HIVEP2: variants seen among roughly 807,000 people sequenced by gnomAD.
The protein encoded by HIVEP2 is transcription factor HIVEP2.
HIVEP2 carries 14 observed loss-of-function variants against 180.7 expected under a neutral mutation model. That is an observed-to-expected ratio of 0.08 (90% CI 0.05 to 0.12). HIVEP2 has a LOEUF of 0.12. Among genes scored for constraint, HIVEP2 ranks in the 10% least tolerant of loss-of-function variants. The pLI is 1.00. For missense variants in HIVEP2, 2,579 were observed against 3,008.5 expected (o/e 0.86, Z 3.34); for synonymous variants, 1,184 against 1,136.4 (o/e 1.04, Z -0.84).
At chr6:142,945,218 C>G (rs1378118225), upstream of HIVEP2, 1 of 152,026 alleles carries the variant, frequency 6.6e-6, no homozygotes. The surrounding 1 kb of genome is among the most constrained non-coding windows in gnomAD (Gnocchi z 5.5). Flanking sequence ...GCGCGGCCCC[C>G]TCCCCCCAGG....
intron 1 of HIVEP2, among the ~76,000 whole-genome samples, chr6:142,884,454 T>C (rs1776648716): frequency 6.6e-6 from 1 of 152,086 alleles, no homozygotes; most frequent in African/African-American, 2.4e-5. Flanking sequence ...TTTTGCCTAA[T>C]TGTCATTTAA....
chr6:142,874,872 G>C (rs758496104), intron 1 of HIVEP2, among the ~76,000 whole-genome samples: 1 of 152,066 alleles, frequency 6.6e-6, no homozygotes, highest in Non-Finnish European at 1.5e-5. Flanking sequence ...GACACCTTTG[G>C]TTTACAGATA....
chr6:142,860,408 G>A (rs1377703348), intron 1 of HIVEP2, among the ~76,000 whole-genome samples: 2 of 152,160 alleles, frequency 1.3e-5, no homozygotes, highest in African/African-American at 4.8e-5. Context: ...TGGACTGGCG[G>A]CAGGCAGGGG....
At chr6:142,827,402 C>A (rs1333098425) in intron 2 of HIVEP2, among the ~76,000 whole-genome samples, 1 of 152,200 alleles carries the variant, frequency 6.6e-6, no homozygotes, top group Non-Finnish European at 1.5e-5. Context: ...GCACCCCTGC[C>A]CTGTGTTTCC....
chr6:142,857,412 G>A (rs1263419242), intron 1 of HIVEP2, among the ~76,000 whole-genome samples: 2 of 152,138 alleles, frequency 1.3e-5, no homozygotes, highest in Admixed American at 1.3e-4. Flanking sequence ...GGGGTTTCAG[G>A]ACTTGTGCAA....
At position 142,764,947 on chromosome 6, in the gene HIVEP2, A is replaced by G. The variant is rs1487889403; in HGVS notation, c.5370T>C (p.Tyr1790=). ...ACTTTCCCCGGCCACGTCCTCTGAC[A>G]TATACATAATCTTCATTCGATTTGT... ...GGYKSNEDYV[Y]VRGRGRGKYI... The change falls in exon 7 of 10, where the codon TAT becomes TAC. Residue 1790 remains tyrosine (Y), a synonymous_variant. Coordinates refer to ENST00000367603, the MANE Select transcript of HIVEP2 (RefSeq NM_006734.4). 9 of 1,612,584 alleles carry G rather than the reference A, an allele frequency of 5.6e-6. No individual in the cohort carries two copies. In the Admixed American group the frequency reaches 6.7e-5, roughly 12 times the overall value.
chr6:142,777,824 A>AT (rs1775744427), intron 3 of HIVEP2, among the ~76,000 whole-genome samples: 1 of 152,150 alleles, frequency 6.6e-6, no homozygotes, highest in Non-Finnish European at 1.5e-5. Context: ...CTAGTTAATA[A>AT]TTTTTTAAAA....
rs934490499 is a variant in HIVEP2 at position 142,921,118 on chromosome 6, C to G, written c.-641+23981G>C. 3.9e-5 allele frequency among the ~76,000 whole-genome samples: 6 copies of G among 152,122 alleles called. No individual in the cohort carries two copies. In the East Asian group the frequency reaches 1.2e-3, roughly 29 times the overall value. On this transcript the variant is annotated intron_variant, in intron 1 of 9. Coordinates refer to ENST00000367603, the MANE Select transcript of HIVEP2 (RefSeq NM_006734.4). Reference sequence around the variant, plus strand: ...AGTCTGGGATTTGAATTAGGACTGCCGGAGCTTAAATGCAAGCTCCAAAAC... The same window carrying G: ...AGTCTGGGATTTGAATTAGGACTGCGGGAGCTTAAATGCAAGCTCCAAAAC...
chr6:142,761,493 G>A lies in HIVEP2; in HGVS notation c.5591C>T (p.Ser1864Leu), dbSNP rs778668820. 46 of 1,602,356 alleles carry A rather than the reference G, an allele frequency of 2.9e-5. No individual in the cohort carries two copies. The highest frequency in any genetic ancestry group is 3.8e-5 in the Non-Finnish European group (44 of 1,169,700). Residue 1864 changes from serine (S) to leucine (L), a missense_variant, in exon 8 of 10, where the codon TCG becomes TTG. By Grantham distance (145) the Ser-to-Leu change is moderately radical. Transcript: ENST00000367603. ...TTCCTCAGTTTCTGTATCATCCACC[G>A]ATGTCATTGAGACTCCCAATTCCAG... ...KCLELGVSMT[S>L]VDDTETEEAE... is the part of the protein sequence containing the mutation.
chr6:142,843,775 C>T (rs1406869649), intron 1 of HIVEP2, among the ~76,000 whole-genome samples: 1 of 152,154 alleles, frequency 6.6e-6, no homozygotes, highest in Non-Finnish European at 1.5e-5. Context: ...TGCAAATTTT[C>T]TCCATTGGCA....
intron 2 of HIVEP2, among the ~76,000 whole-genome samples, chr6:142,832,179 T>A (rs1582897975): frequency 7.2e-6 from 1 of 138,582 alleles, no homozygotes. Context: ...GCAACAAGAG[T>A]GAAATTCTGT....
Position 142,773,494 on chromosome 6 carries a change from G to A in HIVEP2, c.1245C>T (p.Asn415=). 3 of 1,614,232 alleles carry A rather than the reference G, an allele frequency of 1.9e-6. No homozygotes were observed. The highest frequency in any genetic ancestry group is 1.3e-5 in the African/African-American group (1 of 75,054). ...TTTCTTCATAAGACTTTGCATTTGT[G>A]TTGGGAGGGCTTATTTGCTGCTCAG... ...ESAEQQISPP[N]TNAKSYEEII... is the part of the protein sequence containing the mutation. Residue 415 remains asparagine (N), a synonymous_variant, in exon 5 of 10, where the codon AAC becomes AAT. Coordinates refer to ENST00000367603, the MANE Select transcript of HIVEP2 (RefSeq NM_006734.4).
intron 1 of HIVEP2, among the ~76,000 whole-genome samples, chr6:142,880,104 T>C (rs1262965262): frequency 6.6e-6 from 1 of 152,150 alleles, no homozygotes; most frequent in Non-Finnish European, 1.5e-5. Context: ...ACTACTCCTC[T>C]TAGTCATCTT....
intron 6 of HIVEP2, among the ~76,000 whole-genome samples, chr6:142,765,413 C>CCTCTAAATT (rs1361003122): frequency 6.6e-6 from 1 of 152,172 alleles, no homozygotes; most frequent in Non-Finnish European, 1.5e-5. Flanking sequence ...AACATACAAC[C>CCTCTAAATT]CTCTAAATTT....
intron 1 of HIVEP2, among the ~76,000 whole-genome samples, chr6:142,872,300 A>G (rs1776308519): frequency 1.3e-5 from 2 of 152,198 alleles, no homozygotes; most frequent in African/African-American, 4.8e-5. Flanking sequence ...TGAATAACAT[A>G]AGGATGTCCG....
chr6:142,895,596 A>C (rs2128422891), intron 1 of HIVEP2, among the ~76,000 whole-genome samples: 1 of 152,350 alleles, frequency 6.6e-6, no homozygotes, highest in Middle Eastern at 3.4e-3. Flanking sequence ...CTTCCATTGA[A>C]GCCTTTTTCA....
intron 2 of HIVEP2, among the ~76,000 whole-genome samples, chr6:142,835,058 ATGAAATATAATTC>A (rs1364535245): frequency 3.9e-5 from 6 of 152,310 alleles, no homozygotes; most frequent in Admixed American, 3.3e-4. Context: ...CACGTGATAG[ATGAAATATAATTC>A]TGGTTACATT....
chr6:142,889,853 C>T (rs975839471), intron 1 of HIVEP2, among the ~76,000 whole-genome samples: 1 of 152,206 alleles, frequency 6.6e-6, no homozygotes, highest in Non-Finnish European at 1.5e-5. Flanking sequence ...ACTGTAGCCG[C>T]TGGCCATAAA....
At chr6:142,908,094 C>A (rs528540978) in intron 1 of HIVEP2, among the ~76,000 whole-genome samples, 2 of 152,314 alleles carry the variant, frequency 1.3e-5, no homozygotes, top group Admixed American at 6.5e-5. Flanking sequence ...TCCATCACAA[C>A]ATGGTCCAGG....
Sources: gnomAD v4.1 joint callset for allele counts (sites outside exome capture counted in the v4.1 genomes callset) on GRCh38, gnomAD v4.1.1 for gene constraint, Gnocchi (gnomAD v3.1) non-coding constraint, MANE v1.5 for transcripts, NCBI Gene and HGNC (gene_info 2026-07-23, HGNC 2026-07-21) for gene names.